ABLIM2: variants seen among roughly 807,000 people sequenced by gnomAD.
The protein encoded by ABLIM2 is actin-binding LIM protein 2.
Under a neutral mutation model 97.7 loss-of-function variants are expected in ABLIM2, and 53 were observed. The observed-to-expected ratio is 0.54, with a 90% CI of 0.44 to 0.68. The LOEUF (loss-of-function observed/expected upper bound fraction) is 0.68. Ranked by LOEUF, ABLIM2 falls within the 30% of genes least tolerant of loss-of-function variation. The pLI is 0.00. For synonymous variants in ABLIM2, 361 were observed against 345.8 expected, an observed-to-expected ratio of 1.04 and a Z score of -0.49; for missense variants, 835 against 867.2, an observed-to-expected ratio of 0.96 and a Z score of 0.47.
chr4:7,981,844 G>C (rs1297288516), intron 20 of ABLIM2, among the ~76,000 whole-genome samples: 2 of 152,188 alleles, frequency 1.3e-5, no homozygotes, highest in African/African-American at 4.8e-5. Flanking sequence ...AGAGCACCCA[G>C]CCAGCTAGTG....
intron 7 of ABLIM2, among the ~76,000 whole-genome samples, chr4:8,056,884 A>G (rs1012419119): frequency 6.9e-5 from 10 of 145,032 alleles, no homozygotes; most frequent in African/African-American, 2.3e-4. Flanking sequence ...GTGAGCCAAG[A>G]TCGCACCACT....
At chr4:8,007,503 CA>C in intron 16 of ABLIM2, 5 of 985,570 alleles carry the variant, frequency 5.1e-6, no homozygotes, top group Non-Finnish European at 6.0e-6. Flanking sequence ...CGGCCGGAAG[CA>C]AACAGCATTA....
chr4:8,016,924 G>A (rs950103200), intron 14 of ABLIM2, among the ~76,000 whole-genome samples: 10 of 152,200 alleles, frequency 6.6e-5, no homozygotes, highest in African/African-American at 2.4e-4. Context: ...GTGCATATAT[G>A]GCTTGCCACA....
chr4:7,989,372 C>T, intron 17 of ABLIM2: 2 of 983,380 alleles, frequency 2.0e-6, no homozygotes, highest in Non-Finnish European at 2.4e-6. Context: ...AACCACTTTG[C>T]CTGGCCCCAT....
At position 8,036,233 on chromosome 4, in the gene ABLIM2, G is replaced by A; in HGVS notation, c.963C>T (p.Ala321=). 6.2e-7 allele frequency: 1 copy of A among 1,613,882 alleles called. No homozygotes were observed. Among genetic ancestry groups the A allele is most frequent in the Non-Finnish European group, 8.5e-7 (1 of 1,179,804 alleles). The change falls in exon 10 of 21, where the codon GCC becomes GCT. Residue 321 remains alanine, a synonymous_variant. Coordinates refer to ENST00000447017, the MANE Select transcript of ABLIM2 (RefSeq NM_001130083.2). Reference sequence around the variant, plus strand: ...TGTCGGGGCGGTCGATGTCATAGATGGCCTTACTTTTAGGAAGGGCTGCCA... The same window carrying A: ...TGTCGGGGCGGTCGATGTCATAGATAGCCTTACTTTTAGGAAGGGCTGCCA... ...RDLAALPKSK[A]IYDIDRPDMI...
chr4:8,029,586 TAAAAAAAAAAAA>T, intron 11 of ABLIM2, 58 bp downstream of exon 11: 1 of 1,050,032 alleles, frequency 9.5e-7, no homozygotes, highest in Non-Finnish European at 1.2e-6. Flanking sequence ...AAAAAAAAAC[TAAAAAAAAAAAA>T]AAAAAAAAGG....
At chr4:8,089,498 G>A (rs149168602) in intron 3 of ABLIM2, among the ~76,000 whole-genome samples, 51 of 152,224 alleles carry the variant, frequency 3.4e-4, no homozygotes, top group African/African-American at 1.2e-3. Context: ...ACTTTGGGAG[G>A]CTGAGGTGGG....
chr4:8,020,181 C>G lies in ABLIM2; in HGVS notation c.1369+21G>C. 4 of 1,605,172 alleles carry G rather than the reference C, an allele frequency of 2.5e-6. No individual in the cohort carries two copies. The African/African-American group carries it at 4.0e-5, about 16-fold the overall frequency. ...GACAGTTTCAGTGTAAGGAGCCCAG[C>G]CAGCGTGTCCCGGAGCCTACCTGGG... On this transcript the variant is annotated intron_variant, in intron 13 of 20. Coordinates refer to ENST00000447017, the MANE Select transcript of ABLIM2 (RefSeq NM_001130083.2).
intron 2 of ABLIM2, among the ~76,000 whole-genome samples, chr4:8,101,875 T>A (rs755698562): frequency 4.6e-5 from 7 of 152,214 alleles, no homozygotes; most frequent in Non-Finnish European, 7.3e-5. Context: ...GTATTTATGT[T>A]CTGCATGTAT....
Position 8,128,781 on chromosome 4 carries a change from C to T in ABLIM2, c.11-22144G>A, listed in dbSNP as rs566887172. 4.6e-5 allele frequency among the ~76,000 whole-genome samples: 7 copies of T among 152,250 alleles called. No individual in the cohort carries two copies. The East Asian group carries it at 1.2e-3, about 25-fold the overall frequency. On this transcript the variant is annotated intron_variant, in intron 1 of 20. Transcript: ENST00000447017. This position sits in a 1 kb window ranked among gnomAD's most constrained non-coding sequence, Gnocchi z 4.9. ...TAGGTCTTGCAGGTGGAGCCCTCAT[C>T]ATGGGATGAGTGCCCTTGTAAGAAG...
rs1711963064 is a variant in ABLIM2 at position 8,149,765 on chromosome 4, A to T, written c.10+8915T>A. Among the ~76,000 whole-genome samples, 1 of 152,006 alleles carries T rather than the reference A, an allele frequency of 6.6e-6. No homozygotes were observed. Among genetic ancestry groups the T allele is most frequent in the Admixed American group, 6.6e-5 (1 of 15,262 alleles). On this transcript the variant is annotated intron_variant, in intron 1 of 20. Coordinates refer to ENST00000447017, the MANE Select transcript of ABLIM2 (RefSeq NM_001130083.2). The surrounding 1 kb of genome is among the most constrained non-coding windows in gnomAD (Gnocchi z 6.4). ...GGAGGCTGTTGACTGCTGGACACAGAGAAGGCCCGGACCTAGGCTGAGACT... is the reference window on the plus strand; with the variant it reads ...GGAGGCTGTTGACTGCTGGACACAGTGAAGGCCCGGACCTAGGCTGAGACT...
chr4:8,032,815 T>A lies in ABLIM2; in HGVS notation c.1048-3039A>T. On this transcript the variant is annotated intron_variant, in intron 10 of 20. Transcript: ENST00000447017. The surrounding 1 kb of genome is among the most constrained non-coding windows in gnomAD (Gnocchi z 4.3). ...CTGATCCTCCAGACAGGAAAAGAAC[T>A]CTACCCCGAGAGACACAAGTCAGGG... 1.1e-6 allele frequency: 1 copy of A among 872,104 alleles called. No homozygotes were observed. Among genetic ancestry groups the A allele is most frequent in the South Asian group, 1.5e-5 (1 of 68,508 alleles). 54.0% of individuals were successfully genotyped at this position (872,104 alleles called of 1,614,324 possible). A position where few individuals can be genotyped will look rare whatever the true frequency, so the allele number is the denominator to read the frequency against.
intron 1 of ABLIM2, among the ~76,000 whole-genome samples, chr4:8,143,442 G>A (rs1851335222): frequency 6.6e-6 from 1 of 152,014 alleles, no homozygotes; most frequent in South Asian, 2.1e-4. Flanking sequence ...CCCTACCCAG[G>A]GCCTAAGGTC....
rs1449819402 is a variant in ABLIM2, at chr4:8,158,676, C to A, written c.10+4G>T. On this transcript the variant is annotated splice_donor_region_variant and intron_variant, in intron 1 of 20. Coordinates refer to ENST00000447017, the MANE Select transcript of ABLIM2 (RefSeq NM_001130083.2). The stretch of plus-strand genomic sequence containing the variant: ...CCGTTGGTCCCTCGGTCCCCAGCAC[C>A]CACCTGCACTCATCTCAGCAGCCGC... The A allele has an allele frequency of 8.7e-6, 13 of 1,490,004 alleles. No individual in the cohort carries two copies. In the South Asian group the frequency reaches 1.4e-4, roughly 16 times the overall value. 92.3% of individuals were successfully genotyped at this position (1,490,004 alleles called of 1,614,324 possible).
At chr4:8,070,018 TTG>T (rs1022819768) in intron 6 of ABLIM2, among the ~76,000 whole-genome samples, 2 of 152,098 alleles carry the variant, frequency 1.3e-5, no homozygotes, top group Admixed American at 1.3e-4. Context: ...TTTTGTGTGT[TTG>T]TGTGTGTCTA....
At chr4:7,969,139 TAAATA>T (rs1359847016) in intron 20 of ABLIM2, among the ~76,000 whole-genome samples, 1 of 150,816 alleles carries the variant, frequency 6.6e-6, no homozygotes, top group African/African-American at 2.4e-5. Context: ...CTCAAAAAAA[TAAATA>T]AAATAAAATA....
intron 6 of ABLIM2, among the ~76,000 whole-genome samples, chr4:8,070,977 G>A (rs935761984): frequency 3.9e-5 from 6 of 152,128 alleles, no homozygotes; most frequent in Non-Finnish European, 5.9e-5. Flanking sequence ...CCCCACTCCC[G>A]CCCACCTCTT....
chr4:8,021,544 G>A lies in ABLIM2; in HGVS notation c.1268-1241C>T, dbSNP rs1341385772. The stretch of plus-strand genomic sequence containing the variant: ...GCTGCACAGCCTTTCAGAGCAGCAG[G>A]ACCCTGCGGTGACATCGAAATGAAA... On this transcript the variant is annotated intron_variant, in intron 12 of 20. Transcript: ENST00000447017. The surrounding 1 kb of genome is among the most constrained non-coding windows in gnomAD (Gnocchi z 5.5). Among the ~76,000 whole-genome samples the A allele has an allele frequency of 1.3e-5, 2 of 152,238 alleles. No individual in the cohort carries two copies. The highest frequency in any genetic ancestry group is 2.9e-5 in the Non-Finnish European group (2 of 68,036).
At chr4:8,064,707 G>A (rs977004839) in intron 6 of ABLIM2, among the ~76,000 whole-genome samples, 4 of 152,156 alleles carry the variant, frequency 2.6e-5, no homozygotes, top group Non-Finnish European at 5.9e-5. Context: ...CAGGCCCCAG[G>A]TTTAGGATGT....
Sources: allele counts gnomAD v4.1 joint callset (sites outside exome capture counted in the v4.1 genomes callset), GRCh38; gene constraint gnomAD v4.1.1; non-coding constraint Gnocchi (gnomAD v3.1); transcripts MANE v1.5; gene names NCBI Gene and HGNC (gene_info 2026-07-23, HGNC 2026-07-21).